The following MID1 variants were observed in gnomAD, a reference collection of about 807,000 sequenced individuals.
The protein encoded by MID1 is E3 ubiquitin-protein ligase Midline-1.
A neutral mutation model predicts 40.4 loss-of-function variants in MID1; 7 were observed. That is an observed-to-expected ratio of 0.17 (90% CI 0.10 to 0.33). The LOEUF is 0.33. MID1 is among the 10% of genes least tolerant of loss of function. The pLI, the probability that MID1 is intolerant of heterozygous loss-of-function variation, is 1.00. For missense variants in MID1, 367 were observed against 558.5 expected (o/e 0.66, Z 3.46); for synonymous variants, 229 against 221.2 (o/e 1.04, Z -0.31).
Position 10,705,032 on chromosome X carries a change from G to T in MID1, c.-186-84613C>A, listed in dbSNP as rs1000827398. Reference sequence around the variant, plus strand: ...CTGCCTTGGCCTCCCAAAGTGCTGGGATTACAGGCATGAGCCACCACACCC... The same window carrying T: ...CTGCCTTGGCCTCCCAAAGTGCTGGTATTACAGGCATGAGCCACCACACCC... On this transcript the variant is annotated intron_variant, in intron 1 of 10. Transcript: ENST00000380785. Among the ~76,000 whole-genome samples the T allele has an allele frequency of 2.1e-4, 23 of 111,132 alleles. No individual in the cohort carries two copies. In the Admixed American group the frequency reaches 2.1e-3, roughly 10 times the overall value.
intron 9 of MID1, among the ~76,000 whole-genome samples, chrX:10,453,428 T>G (rs1280443073): frequency 8.9e-6 from 1 of 112,253 alleles, no homozygotes; most frequent in Non-Finnish European, 1.9e-5. Context: ...TGAATGTTGA[T>G]TTTATTTTTT....
intron 1 of MID1, among the ~76,000 whole-genome samples, chrX:10,616,055 ACT>A (rs1935832824): frequency 8.9e-6 from 1 of 111,760 alleles, no homozygotes. Context: ...ATTCTCTCTG[ACT>A]CTGCCTCGGG....
intron 1 of MID1, among the ~76,000 whole-genome samples, chrX:10,827,056 G>A (rs1046573965): frequency 9.0e-6 from 1 of 111,344 alleles, no homozygotes; most frequent in African/African-American, 3.3e-5. Flanking sequence ...TACAAATGTT[G>A]TTCTCCCTAA....
intron 3 of MID1, among the ~76,000 whole-genome samples, chrX:10,508,583 C>A (rs191232412): frequency 9.0e-6 from 1 of 111,180 alleles, no homozygotes; most frequent in Admixed American, 9.6e-5. Flanking sequence ...AGGTTTCATG[C>A]CAAATATGAA....
At chrX:10,664,479 GT>G (rs1364039372) in intron 1 of MID1, among the ~76,000 whole-genome samples, 3 of 111,793 alleles carry the variant, frequency 2.7e-5, no homozygotes, top group African/African-American at 9.8e-5. Flanking sequence ...AATATGCTAC[GT>G]TTTATTTATC....
chrX:10,545,859 T>C (rs1032992301), intron 2 of MID1, among the ~76,000 whole-genome samples: 2 of 112,336 alleles, frequency 1.8e-5, no homozygotes, highest in Non-Finnish European at 3.8e-5. Flanking sequence ...ATAGTAGTCA[T>C]GATTCTCTTG....
chrX:10,728,190 T>TCCCC (rs199653296), intron 1 of MID1, among the ~76,000 whole-genome samples: 7 of 108,741 alleles, frequency 6.4e-5, no homozygotes, highest in African/African-American at 2.4e-4. Flanking sequence ...CATCAACTTT[T>TCCCC]CCCCCCCCAG....
chrX:10,726,282 C>G (rs1280599801), intron 1 of MID1, among the ~76,000 whole-genome samples: 1 of 111,979 alleles, frequency 8.9e-6, no homozygotes, highest in African/African-American at 3.2e-5. Flanking sequence ...TAATTAACAA[C>G]AATTTCTTTT....
Position 10,496,725 on chromosome X carries a change from G to T in MID1, c.757-1034C>A, listed in dbSNP as rs1239571838. Among the ~76,000 whole-genome samples the T allele has an allele frequency of 2.7e-5, 3 of 112,020 alleles. No homozygotes were observed. The South Asian group carries it at 1.1e-3, about 42-fold the overall frequency. On this transcript the variant is annotated intron_variant, in intron 3 of 9. Coordinates refer to ENST00000317552, the MANE Select transcript of MID1 (RefSeq NM_000381.4). ...ATGAATGAGATAAACTGGAAGTAGG[G>T]TCATGAGTTCAAGATAAAAATCCAC...
chrX:10,568,847 C>T (rs1022806877), intron 1 of MID1, among the ~76,000 whole-genome samples: 6 of 111,932 alleles, frequency 5.4e-5, no homozygotes, highest in Non-Finnish European at 1.1e-4. Flanking sequence ...AACCAAGCCG[C>T]TTTGAACCTT....
intron 1 of MID1, among the ~76,000 whole-genome samples, chrX:10,730,760 T>C (rs1436997067): frequency 9.2e-6 from 1 of 108,826 alleles, no homozygotes; most frequent in Non-Finnish European, 1.9e-5. Context: ...TTTTTTAGTA[T>C]AGAAGGGGTT....
At chrX:10,737,975 T>C (rs1482241530) in intron 1 of MID1, among the ~76,000 whole-genome samples, 1 of 111,248 alleles carries the variant, frequency 9.0e-6, no homozygotes, top group African/African-American at 3.3e-5. Context: ...TGGACCCTGC[T>C]AGCAGCTTAG....
At chrX:10,582,081 T>C (rs1331875790) in intron 1 of MID1, among the ~76,000 whole-genome samples, 1 of 111,857 alleles carries the variant, frequency 8.9e-6, no homozygotes, top group Admixed American at 9.5e-5. Context: ...ATGTGTTTCA[T>C]GTTCTGTTGG....
intron 1 of MID1, among the ~76,000 whole-genome samples, chrX:10,831,460 T>G (rs2147165953): frequency 9.0e-6 from 1 of 111,569 alleles, no homozygotes; most frequent in East Asian, 2.8e-4. Context: ...GGCTGCCGAT[T>G]GGTTAAACCC....
At chrX:10,661,053 G>A (rs1484599141) in intron 1 of MID1, among the ~76,000 whole-genome samples, 2 of 111,597 alleles carry the variant, frequency 1.8e-5, no homozygotes, top group East Asian at 5.6e-4. Context: ...TTTACACAAA[G>A]AATCAAATTA....
At chrX:10,634,770 T>C (rs909624200) in intron 1 of MID1, among the ~76,000 whole-genome samples, 2 of 112,234 alleles carry the variant, frequency 1.8e-5, no homozygotes, top group African/African-American at 6.5e-5. Flanking sequence ...CTAACTGCAA[T>C]TGAATCAGTG....
intron 1 of MID1, among the ~76,000 whole-genome samples, chrX:10,744,596 G>A (rs1055213060): frequency 1.8e-5 from 2 of 111,590 alleles, no homozygotes; most frequent in African/African-American, 6.5e-5. Context: ...GGGTCTGGGT[G>A]CAAGTCCTAA....
intron 1 of MID1, among the ~76,000 whole-genome samples, chrX:10,732,957 G>A (rs189964215): frequency 0.032 from 3,411 of 106,920 alleles, 108 homozygotes; most frequent in African/African-American, 0.092. Context: ...TCCACCTCCC[G>A]GGTTCATGCC....
rs1452104070 is a variant in MID1 at position 10,474,758 on chromosome X, G to A, written c.1014-8C>T. ...GCAGTTGCCATGGAGACTCTGTAAT[G>A]CAAACAAAACAATGTTTCAGAAATG... On this transcript the variant is annotated splice_region_variant and splice_polypyrimidine_tract_variant and intron_variant, in intron 5 of 9. Coordinates refer to ENST00000317552, the MANE Select transcript of MID1 (RefSeq NM_000381.4). The A allele has an allele frequency of 8.3e-7, 1 of 1,205,271 alleles. No homozygotes were observed. The highest frequency in any genetic ancestry group is 1.1e-6 in the Non-Finnish European group (1 of 890,763).
Sources: allele counts gnomAD v4.1 joint callset (sites outside exome capture counted in the v4.1 genomes callset), GRCh38; gene constraint gnomAD v4.1.1; transcripts MANE v1.5; gene names NCBI Gene and HGNC (gene_info 2026-07-23, HGNC 2026-07-21).